Variants in ADGRL2 observed in about 807,000 individuals in gnomAD.
The protein encoded by ADGRL2 is calcium-independent alpha-latrotoxin receptor 2.
ADGRL2 carries 44 observed loss-of-function variants against 157.4 expected under a neutral mutation model. The observed-to-expected ratio is 0.28, with a 90% CI of 0.22 to 0.36. The LOEUF is 0.36. Among genes scored for constraint, ADGRL2 ranks in the 10% least tolerant of loss-of-function variants. ADGRL2 has a pLI of 1.00. For synonymous variants in ADGRL2, 585 were observed against 624.7 expected (o/e 0.94, Z 0.95); for missense variants, 1,510 against 1,768.9 (o/e 0.85, Z 2.63).
intron 2 of ADGRL2, among the ~76,000 whole-genome samples, chr1:81,904,559 G>C (rs1400433794): frequency 6.6e-6 from 1 of 152,068 alleles, no homozygotes; most frequent in Non-Finnish European, 1.5e-5. Flanking sequence ...AAAAGTGGAA[G>C]GACAAGGGAA....
chr1:81,831,314 G>A (rs2091928520), intron 1 of ADGRL2, among the ~76,000 whole-genome samples: 1 of 152,222 alleles, frequency 6.6e-6, no homozygotes, highest in Non-Finnish European at 1.5e-5. Flanking sequence ...AATTAGGATA[G>A]CTCAACTGGA....
chr1:81,646,504 G>A (rs1214543969), intron 3 of ADGRL2, among the ~76,000 whole-genome samples: 4 of 152,158 alleles, frequency 2.6e-5, no homozygotes, highest in Non-Finnish European at 5.9e-5. Context: ...AGTAGCAAAT[G>A]CACTAAGCTC....
At chr1:81,387,057 G>C (rs937628059) in intron 1 of ADGRL2, among the ~76,000 whole-genome samples, 7 of 152,076 alleles carry the variant, frequency 4.6e-5, no homozygotes, top group Admixed American at 3.9e-4. Context: ...TGACTTTTAT[G>C]AGAGTTGGTC....
chr1:81,978,692 CTAATTA>C (rs1248508886), intron 17 of ADGRL2, among the ~76,000 whole-genome samples: 1 of 151,616 alleles, frequency 6.6e-6, no homozygotes, highest in Admixed American at 6.6e-5. Flanking sequence ...ATCACTTTTC[CTAATTA>C]TAAAGTCAGA....
chr1:81,810,944 A>C (rs1001217275), intron 1 of ADGRL2, among the ~76,000 whole-genome samples: 1 of 151,870 alleles, frequency 6.6e-6, no homozygotes, highest in Non-Finnish European at 1.5e-5. Flanking sequence ...CAATGTTTGA[A>C]TATTAGGTGC....
At chr1:81,567,548 A>T (rs1305389373) in intron 2 of ADGRL2, among the ~76,000 whole-genome samples, 6 of 152,134 alleles carry the variant, frequency 3.9e-5, no homozygotes, top group African/African-American at 1.4e-4. Context: ...AACACAAAAC[A>T]CTTCGTGTCC....
At chr1:81,565,919 C>A (rs968126964) in intron 2 of ADGRL2, among the ~76,000 whole-genome samples, 2 of 151,980 alleles carry the variant, frequency 1.3e-5, no homozygotes, top group Non-Finnish European at 2.9e-5. Context: ...CACTGAAGTA[C>A]CTTGGAAGGT....
chr1:81,898,247 C>T (rs1158006125), intron 2 of ADGRL2, among the ~76,000 whole-genome samples: 1 of 152,202 alleles, frequency 6.6e-6, no homozygotes, highest in Non-Finnish European at 1.5e-5. Flanking sequence ...GCAACAGTTT[C>T]ATATTTCTGT....
At chr1:81,449,819 G>A (rs761115127) in intron 2 of ADGRL2, among the ~76,000 whole-genome samples, 1 of 152,090 alleles carries the variant, frequency 6.6e-6, no homozygotes, top group African/African-American at 2.4e-5. Flanking sequence ...TCAAACTCCT[G>A]GGCTCAAGCC....
intron 1 of ADGRL2, among the ~76,000 whole-genome samples, chr1:81,822,166 GA>G (rs957543198): frequency 2.4e-4 from 36 of 147,410 alleles, no homozygotes; most frequent in East Asian, 2.0e-3. Flanking sequence ...TTTTGGAGGA[GA>G]AAAAAAAATA....
At chr1:81,669,319 C>T (rs559402300) in intron 3 of ADGRL2, among the ~76,000 whole-genome samples, 25 of 152,140 alleles carry the variant, frequency 1.6e-4, no homozygotes, top group African/African-American at 5.3e-4. Context: ...GAGACTGAGG[C>T]GGGAAGATCA....
chr1:81,974,181 A>T (rs747558050), intron 17 of ADGRL2, among the ~76,000 whole-genome samples: 8 of 152,222 alleles, frequency 5.3e-5, no homozygotes, highest in Non-Finnish European at 1.2e-4. Context: ...ATGAAGAAAA[A>T]TAATATGCTA....
intron 2 of ADGRL2, among the ~76,000 whole-genome samples, chr1:81,548,856 A>G (rs376305206): frequency 2.7e-4 from 41 of 152,342 alleles, no homozygotes; most frequent in Middle Eastern, 3.4e-3. Flanking sequence ...CTCCAGGCTG[A>G]TGATGTCAAC....
chr1:81,435,396 A>G (rs1431609549), intron 1 of ADGRL2, among the ~76,000 whole-genome samples: 2 of 152,190 alleles, frequency 1.3e-5, no homozygotes, highest in South Asian at 2.1e-4. Context: ...CCCACCTCCA[A>G]TCTCTCTGTG....
chr1:81,670,935 C>T (rs13376556), intron 3 of ADGRL2, among the ~76,000 whole-genome samples: 17,381 of 152,186 alleles, frequency 0.11, 1,116 homozygotes, highest in South Asian at 0.15. Context: ...GTCTCAAACT[C>T]CTGAGCTAAA....
intron 4 of ADGRL2, among the ~76,000 whole-genome samples, chr1:81,940,091 A>G (rs1647330923): frequency 6.6e-6 from 1 of 151,594 alleles, no homozygotes; most frequent in Non-Finnish European, 1.5e-5. Flanking sequence ...AGTTTATCAA[A>G]TAACAAAATT....
intron 3 of ADGRL2, among the ~76,000 whole-genome samples, chr1:81,684,582 T>A (rs2083192012): frequency 6.6e-6 from 1 of 152,222 alleles, no homozygotes. Flanking sequence ...ACTCTGTGGG[T>A]TGTCTGTTTA....
chr1:81,713,786 G>A (rs991424160), intron 1 of ADGRL2, among the ~76,000 whole-genome samples: 3 of 152,190 alleles, frequency 2.0e-5, no homozygotes, highest in Non-Finnish European at 4.4e-5. Flanking sequence ...CAAAGACCCT[G>A]AGGGGCTTGT....
intron 1 of ADGRL2, among the ~76,000 whole-genome samples, chr1:81,318,702 C>G (rs1660278218): frequency 6.6e-6 from 1 of 151,958 alleles, no homozygotes. Context: ...ATTTCTATAA[C>G]TTAAAATTAA....
Sources: gnomAD v4.1 joint callset for allele counts (sites outside exome capture counted in the v4.1 genomes callset) on GRCh38, gnomAD v4.1.1 for gene constraint, MANE v1.5 for transcripts, NCBI Gene and HGNC (gene_info 2026-07-23, HGNC 2026-07-21) for gene names.